The following ITGB1 variants were observed in gnomAD, a reference collection of about 807,000 sequenced individuals.
ITGB1 encodes integrin subunit beta 1.
In ITGB1, 24 loss-of-function variants were observed where a neutral mutation model predicts 86.5. That is an observed-to-expected ratio of 0.28 (90% CI 0.20 to 0.39). The LOEUF is 0.39. ITGB1 is among the 10% of genes least tolerant of loss of function. The pLI, the probability that ITGB1 is intolerant of heterozygous loss-of-function variation, is 1.00. For missense variants in ITGB1, 556 were observed against 946.9 expected, an observed-to-expected ratio of 0.59 and a Z score of 5.42; for synonymous variants, 323 against 316.8, an observed-to-expected ratio of 1.02 and a Z score of -0.21.
chr10:32,937,466 G>A (rs1158972609), intron 1 of ITGB1, among the ~76,000 whole-genome samples: 1 of 146,474 alleles, frequency 6.8e-6, no homozygotes, highest in Non-Finnish European at 1.5e-5. Context: ...TGAGGCAGGA[G>A]AATCGCTTGA....
At chr10:32,917,470 T>C (rs935023190) in intron 11 of ITGB1, among the ~76,000 whole-genome samples, 1 of 152,150 alleles carries the variant, frequency 6.6e-6, no homozygotes, top group African/African-American at 2.4e-5. Context: ...ATCCAGAATC[T>C]ACAAAGAACT....
In ITGB1 at chr10:32,923,638, T is replaced by C; in HGVS notation, c.889A>G (p.Asn297Asp). 6.2e-7 allele frequency: 1 copy of C among 1,613,850 alleles called. No homozygotes were observed. ...DGKLGGIVLP[N>D]DGQCHLENNM... ...TTTTCCAGGTGACATTGTCCATCAT[T>C]TGGTAAAACAATGCCACCAAGTTTC... Residue 297 changes from asparagine to aspartate, a missense_variant, in exon 7 of 16, where the codon AAT becomes GAT. By Grantham distance (23) the Asn-to-Asp change is conservative. This residue lies in a region of ITGB1 where 25 missense variants were observed against 76.3 expected (regional missense o/e 0.33). Coordinates refer to ENST00000302278, the MANE Select transcript of ITGB1 (RefSeq NM_002211.4).
chr10:32,907,369 C>G (rs965189316), intron 15 of ITGB1, among the ~76,000 whole-genome samples: 1 of 152,096 alleles, frequency 6.6e-6, no homozygotes, highest in African/African-American at 2.4e-5. Flanking sequence ...TTTCTTGTAT[C>G]AAAAGATGAA....
chr10:32,943,058 A>T (rs1025495693), intron 1 of ITGB1, among the ~76,000 whole-genome samples: 6 of 152,176 alleles, frequency 3.9e-5, no homozygotes, highest in African/African-American at 1.4e-4. Flanking sequence ...AACCATATTG[A>T]ATTGTATGAC....
At chr10:32,956,786 T>C (rs547361250) in intron 1 of ITGB1, among the ~76,000 whole-genome samples, 1 of 152,320 alleles carries the variant, frequency 6.6e-6, no homozygotes, top group East Asian at 1.9e-4. Context: ...TTACCAATGA[T>C]GTTACCAATT....
At chr10:32,930,125 TAA>T in intron 3 of ITGB1, 81 bp from the exon 4 acceptor site, 3 of 717,516 alleles carry the variant, frequency 4.2e-6, no homozygotes, top group Non-Finnish European at 7.3e-6. Context: ...AATAAGCAAT[TAA>T]ATTGCAAAAC....
At chr10:32,903,888 T>C (rs2094889230) in intron 15 of ITGB1, among the ~76,000 whole-genome samples, 1 of 152,010 alleles carries the variant, frequency 6.6e-6, no homozygotes, top group Admixed American at 6.6e-5. Flanking sequence ...TGAGGCTAAG[T>C]GCTACACATT....
chr10:32,926,742 G>A (rs924701448), intron 5 of ITGB1, among the ~76,000 whole-genome samples: 6 of 152,164 alleles, frequency 3.9e-5, no homozygotes, highest in East Asian at 1.9e-4. Flanking sequence ...TTATAGCAAC[G>A]TAAGAATAGA....
chr10:32,940,851 C>T (rs552062316), intron 1 of ITGB1, among the ~76,000 whole-genome samples: 10 of 152,342 alleles, frequency 6.6e-5, no homozygotes, highest in African/African-American at 1.9e-4. Context: ...CTTTAACACA[C>T]TCTACTCCCT....
intron 1 of ITGB1, among the ~76,000 whole-genome samples, chr10:32,937,802 C>T (rs1177704185): frequency 6.6e-6 from 1 of 152,114 alleles, no homozygotes; most frequent in African/African-American, 2.4e-5. Context: ...AACTGTAGCA[C>T]AATTTAACTG....
chr10:32,901,538 A>G lies in ITGB1; in HGVS notation c.*32T>C, dbSNP rs765219958. The G allele has an allele frequency of 7.3e-7, 1 of 1,368,374 alleles. No homozygotes were observed. Among genetic ancestry groups the G allele is most frequent in the South Asian group, 1.2e-5 (1 of 80,462 alleles). The allele number at this position is 1,368,374 out of a possible 1,614,324, so 84.8% of individuals were successfully genotyped here. On this transcript the variant is annotated 3_prime_UTR_variant, in exon 16 of 16. Transcript: ENST00000302278. ...GTGACTATGGAAATTGCTACTTTGC[A>G]TTCAGTGTTGTGGGATTTGCACGGG... is the stretch of plus-strand genomic sequence containing the variant.
intron 15 of ITGB1, among the ~76,000 whole-genome samples, chr10:32,902,141 A>T (rs548076893): frequency 4.6e-5 from 7 of 152,308 alleles, no homozygotes; most frequent in Non-Finnish European, 8.8e-5. Context: ...TAAGGCTGTC[A>T]TTGTGTCAGG....
In ITGB1 at chr10:32,929,909, T is replaced by G. The variant is rs1469203752; in HGVS notation, c.289A>C (p.Asn97His). The G allele has an allele frequency of 6.2e-7, 1 of 1,611,120 alleles. No individual in the cohort carries two copies. Among genetic ancestry groups the G allele is most frequent in the South Asian group, 1.1e-5 (1 of 91,020 alleles). ...TTCTCTGCTGTTCCTTTGCTACGGTTGGTTACATTTTTATTTTTCTTTATA... is the reference window on the plus strand; with the variant it reads ...TTCTCTGCTGTTCCTTTGCTACGGTGGGTTACATTTTTATTTTTCTTTATA... ...KDIKKNKNVTNRSKGTAEKLK... is the reference protein window; with the variant it reads ...KDIKKNKNVTHRSKGTAEKLK... The change falls in exon 4 of 16, where the codon AAC becomes CAC. Residue 97 changes from asparagine to histidine, a missense_variant. Asn to His is a moderately conservative substitution (Grantham distance 68). Transcript: ENST00000302278.
chr10:32,919,455 T>C (rs905633192), intron 11 of ITGB1, among the ~76,000 whole-genome samples: 11 of 152,204 alleles, frequency 7.2e-5, no homozygotes, highest in Non-Finnish European at 1.5e-4. Context: ...CAGAAGTACA[T>C]GTAGTACAAG....
At chr10:32,937,406 A>G (rs1326728785) in intron 1 of ITGB1, among the ~76,000 whole-genome samples, 1 of 152,090 alleles carries the variant, frequency 6.6e-6, no homozygotes, top group African/African-American at 2.4e-5. Flanking sequence ...AAATGCAAAA[A>G]TTAGCTGGGT....
chr10:32,939,030 G>A (rs533037329), intron 1 of ITGB1, among the ~76,000 whole-genome samples: 2 of 152,280 alleles, frequency 1.3e-5, no homozygotes, highest in Admixed American at 6.5e-5. Context: ...AGGAACAGGT[G>A]CCCAAGTCCT....
At chr10:32,950,550 A>G (rs1171845026) in intron 1 of ITGB1, among the ~76,000 whole-genome samples, 2 of 152,192 alleles carry the variant, frequency 1.3e-5, no homozygotes, top group Non-Finnish European at 2.9e-5. Flanking sequence ...ACTTCGCAGA[A>G]AGAATAGAGA....
intron 14 of ITGB1, among the ~76,000 whole-genome samples, chr10:32,909,380 C>T (rs2094906384): frequency 1.3e-5 from 2 of 152,110 alleles, no homozygotes; most frequent in South Asian, 4.1e-4. Flanking sequence ...AACTATAAAA[C>T]TTCTACCAAA....
intron 15 of ITGB1, 110 bp from the exon 16 acceptor site, chr10:32,901,745 T>A: frequency 1.5e-6 from 1 of 684,486 alleles, no homozygotes; most frequent in Non-Finnish European, 2.5e-6. Context: ...AAGTCATTTC[T>A]ATTTTATTTG....
Sources: allele counts gnomAD v4.1 joint callset (sites outside exome capture counted in the v4.1 genomes callset), GRCh38; gene constraint gnomAD v4.1.1; regional missense constraint gnomAD v4.1.1; transcripts MANE v1.5; gene names NCBI Gene and HGNC (gene_info 2026-07-23, HGNC 2026-07-21).